DLGAP1: variants seen among roughly 807,000 people sequenced by gnomAD.
DLGAP1 encodes the protein DLG associated protein 1.
Under a neutral mutation model 90.8 loss-of-function variants are expected in DLGAP1, and 11 were observed. The observed-to-expected ratio is 0.12, with a 90% confidence interval of 0.08 to 0.20. DLGAP1 has a LOEUF of 0.20. DLGAP1 is among the 10% of genes least tolerant of loss of function. The probability of loss-of-function intolerance (pLI) is 1.00; values close to 1 mark genes in which losing one functional copy is unlikely to be tolerated. For synonymous variants in DLGAP1, 558 were observed against 540.7 expected (o/e 1.03, Z -0.44); for missense variants, 1,050 against 1,333.8 (o/e 0.79, Z 3.31).
In DLGAP1 at chr18:4,297,289, C is replaced by T. The variant is rs572609820; in HGVS notation, c.-266-146002G>A. On this transcript the variant is annotated intron_variant, in intron 1 of 12. Coordinates refer to ENST00000315677, the MANE Select transcript of DLGAP1 (RefSeq NM_004746.4). ...GGTGAATCTGAAGACATCCTCTCTT[C>T]CCACCACACCGAGCCATGACCTGTA... 5.7e-4 allele frequency among the ~76,000 whole-genome samples: 86 copies of T among 152,150 alleles called. 1 individual carries two copies. The highest frequency in any genetic ancestry group is 1.2e-3 in the Admixed American group (18 of 15,288).
intron 2 of DLGAP1, among the ~76,000 whole-genome samples, chr18:4,046,088 T>C (rs2075050232): frequency 6.6e-6 from 1 of 152,196 alleles, no homozygotes; most frequent in African/African-American, 2.4e-5. Flanking sequence ...AGTCTGTATG[T>C]CCCCATCTGG....
rs1354230384 is a variant in DLGAP1 at position 3,729,590 on chromosome 18, G to T, written c.1351-215C>A. Among the ~76,000 whole-genome samples the T allele has an allele frequency of 6.6e-6, 1 of 151,760 alleles. No homozygotes were observed. Among genetic ancestry groups the T allele is most frequent in the African/African-American group, 2.4e-5 (1 of 41,224 alleles). ...TTACTTTTTTTTTCTTGTATTTTTA[G>T]TAGAGACAGGGTTTCACCGTGTTGG... is the stretch of plus-strand genomic sequence containing the variant. On this transcript the variant is annotated intron_variant, in intron 6 of 12. Transcript: ENST00000315677. The surrounding 1 kb of genome is among the most constrained non-coding windows in gnomAD (Gnocchi z 6.2).
At chr18:4,310,926 C>T (rs905293935) in intron 1 of DLGAP1, among the ~76,000 whole-genome samples, 2 of 152,152 alleles carry the variant, frequency 1.3e-5, no homozygotes, top group African/African-American at 4.8e-5. Context: ...TTACAGAACA[C>T]CGTAGGTGCC....
intron 5 of DLGAP1, among the ~76,000 whole-genome samples, chr18:3,803,957 C>T (rs1309652388): frequency 3.6e-5 from 3 of 83,966 alleles, no homozygotes; most frequent in Non-Finnish European, 4.9e-5. Context: ...TATGTAGGTT[C>T]ATATATATAT....
chr18:3,878,960 G>T, intron 4 of DLGAP1, 152 bp downstream of exon 4: 1 of 580,086 alleles, frequency 1.7e-6, no homozygotes, highest in Non-Finnish European at 2.7e-6. Context: ...TTTCCCTACA[G>T]GAGCAATTCG....
intron 2 of DLGAP1, among the ~76,000 whole-genome samples, chr18:4,136,901 T>C (rs958855891): frequency 2.6e-4 from 39 of 149,336 alleles, no homozygotes; most frequent in African/African-American, 9.3e-4. Flanking sequence ...TCAATTTTGA[T>C]GTGGTTTTTT....
intron 8 of DLGAP1, among the ~76,000 whole-genome samples, chr18:3,569,149 G>A (rs939949282): frequency 3.3e-5 from 5 of 151,188 alleles, no homozygotes; most frequent in Non-Finnish European, 5.9e-5. Context: ...TTACAGACGC[G>A]TGCCACCATG....
intron 1 of DLGAP1, among the ~76,000 whole-genome samples, chr18:4,369,475 A>T (rs1028205335): frequency 3.3e-5 from 5 of 151,886 alleles, no homozygotes; most frequent in African/African-American, 7.3e-5. Context: ...CTTTTTTTTT[A>T]AATTTAAATA....
intron 7 of DLGAP1, among the ~76,000 whole-genome samples, chr18:3,683,871 T>G (rs35443225): frequency 0.15 from 22,819 of 152,150 alleles, 2,170 homozygotes; most frequent in East Asian, 0.44. Flanking sequence ...AATCACTTAC[T>G]CTTCAAGATT....
At chr18:3,887,599 A>G in intron 3 of DLGAP1, among the ~76,000 whole-genome samples, 1 of 152,204 alleles carries the variant, frequency 6.6e-6, no homozygotes, top group East Asian at 1.9e-4. Context: ...CCTTGCTCAC[A>G]CATGCATGCT....
At chr18:4,243,671 C>T (rs2078592457) in intron 1 of DLGAP1, among the ~76,000 whole-genome samples, 1 of 152,150 alleles carries the variant, frequency 6.6e-6, no homozygotes, top group Non-Finnish European at 1.5e-5. Flanking sequence ...ATGTTTCTTT[C>T]TAAGAGCACT....
Position 4,296,267 on chromosome 18 carries a change from C to T in DLGAP1, c.-266-144980G>A, listed in dbSNP as rs1480544508. ...TGAAGACCGAGACTGTGTAACTCAC[C>T]TTTATAACTCTCACAGCCTAAAGCT... On this transcript the variant is annotated intron_variant, in intron 1 of 12. Coordinates refer to ENST00000315677, the MANE Select transcript of DLGAP1 (RefSeq NM_004746.4). Among the ~76,000 whole-genome samples, 3 of 113,372 alleles carry T rather than the reference C, an allele frequency of 2.6e-5. No homozygotes were observed. The East Asian group carries it at 9.3e-4, about 35-fold the overall frequency. 74.4% of individuals were successfully genotyped at this position (113,372 alleles called of 152,430 possible). A position where few individuals can be genotyped will look rare whatever the true frequency, so the allele number is the denominator to read the frequency against.
At chr18:4,296,060 G>A (rs680689) in intron 1 of DLGAP1, among the ~76,000 whole-genome samples, 146,970 of 152,270 alleles carry the variant, frequency 0.97, 71,145 homozygotes, top group East Asian at 1. Flanking sequence ...GAGAAAGCAT[G>A]AAAACTGTGC....
chr18:4,074,254 G>C (rs2075492603), intron 2 of DLGAP1, among the ~76,000 whole-genome samples: 1 of 151,982 alleles, frequency 6.6e-6, no homozygotes, highest in Non-Finnish European at 1.5e-5. Flanking sequence ...AATTTTTTTG[G>C]CATAGATTAT....
At chr18:3,910,066 T>C (rs1357683927) in intron 3 of DLGAP1, among the ~76,000 whole-genome samples, 1 of 151,404 alleles carries the variant, frequency 6.6e-6, no homozygotes, top group Non-Finnish European at 1.5e-5. Context: ...TGCCATTTTT[T>C]TCATGATTAA....
chr18:3,863,607 C>T (rs1036977775), intron 4 of DLGAP1, among the ~76,000 whole-genome samples: 1 of 152,212 alleles, frequency 6.6e-6, no homozygotes, highest in Non-Finnish European at 1.5e-5. Context: ...CTACTGCTAT[C>T]CACAGCGTCC....
intron 4 of DLGAP1, among the ~76,000 whole-genome samples, chr18:3,867,707 T>C (rs553938221): frequency 2.0e-5 from 3 of 152,258 alleles, no homozygotes; most frequent in African/African-American, 7.2e-5. Flanking sequence ...ATTTCAAATT[T>C]CCCATGATGG....
chr18:4,191,393 A>G (rs2144733894), intron 1 of DLGAP1, among the ~76,000 whole-genome samples: 1 of 152,342 alleles, frequency 6.6e-6, no homozygotes, highest in Middle Eastern at 3.4e-3. Flanking sequence ...GCTATTAATT[A>G]GAAGTCTGCC....
intron 1 of DLGAP1, among the ~76,000 whole-genome samples, chr18:4,251,463 A>G (rs1174992220): frequency 1.3e-5 from 2 of 152,190 alleles, no homozygotes; most frequent in Non-Finnish European, 2.9e-5. Context: ...GTCAGAGACA[A>G]CCCACGTACA....
Sources: allele counts gnomAD v4.1 joint callset (sites outside exome capture counted in the v4.1 genomes callset), GRCh38; gene constraint gnomAD v4.1.1; non-coding constraint Gnocchi (gnomAD v3.1); transcripts MANE v1.5; gene names NCBI Gene and HGNC (gene_info 2026-07-23, HGNC 2026-07-21).